RASSF8: variants seen among roughly 807,000 people sequenced by gnomAD.
RASSF8 encodes the protein Ras association domain family member 8.
A neutral mutation model predicts 48.5 loss-of-function variants in RASSF8; 22 were observed. That is an observed-to-expected ratio of 0.45 (90% confidence interval 0.32 to 0.65). The LOEUF (loss-of-function observed/expected upper bound fraction) is 0.65. RASSF8 is among the 30% of genes least tolerant of loss of function. RASSF8 has a pLI of 0.03. For missense variants in RASSF8, 418 were observed against 489.2 expected (o/e 0.85, Z 1.37); for synonymous variants, 127 against 171.5 (o/e 0.74, Z 2.03).
At chr12:26,028,906 C>G (rs1942971730) in intron 2 of RASSF8, among the ~76,000 whole-genome samples, 1 of 152,090 alleles carries the variant, frequency 6.6e-6, no homozygotes, top group South Asian at 2.1e-4. Flanking sequence ...GGAACCCTGG[C>G]TAATTTGCTT....
intron 1 of RASSF8, among the ~76,000 whole-genome samples, chr12:25,987,505 T>C (rs1941915026): frequency 6.6e-6 from 1 of 152,186 alleles, no homozygotes; most frequent in South Asian, 2.1e-4. Context: ...ACAGGTAAAG[T>C]ATAATCTGTA....
upstream of RASSF8, chr12:25,958,638 GGCCCGGCCCGGCCCGGCCCGGCCCCCA>G (rs1426037436): frequency 7.0e-5 from 10 of 142,940 alleles, no homozygotes; most frequent in Admixed American, 4.8e-4. Flanking sequence ...CTGGCCGCCC[GGCCCGGCCCGGCCCGGCCCGGCCCCCA>G]GCCCGGCCCC....
At chr12:25,970,910 G>A (rs984157661) in intron 1 of RASSF8, among the ~76,000 whole-genome samples, 7 of 152,198 alleles carry the variant, frequency 4.6e-5, no homozygotes, top group African/African-American at 1.4e-4. Context: ...ACACTTGACG[G>A]TATTAAAACC....
chr12:26,045,695 A>T (rs560666888), intron 2 of RASSF8, among the ~76,000 whole-genome samples: 53 of 152,338 alleles, frequency 3.5e-4, no homozygotes, highest in Middle Eastern at 6.8e-3. Context: ...TTACAATACC[A>T]TAAATGAGAA....
At chr12:26,001,187 G>A (rs868792252) in intron 2 of RASSF8, among the ~76,000 whole-genome samples, 37 of 140,586 alleles carry the variant, frequency 2.6e-4, no homozygotes, top group African/African-American at 7.5e-4. Context: ...CATCATACCC[G>A]GCTAATTTTT....
intron 2 of RASSF8, among the ~76,000 whole-genome samples, chr12:26,034,623 T>C (rs1943094760): frequency 6.6e-6 from 1 of 152,136 alleles, no homozygotes; most frequent in Admixed American, 6.5e-5. Flanking sequence ...AAGATCATTA[T>C]TCTTTCTGAC....
At chr12:25,997,664 C>G (rs1942163640) in intron 2 of RASSF8, among the ~76,000 whole-genome samples, 2 of 152,094 alleles carry the variant, frequency 1.3e-5, no homozygotes, top group South Asian at 4.1e-4. Flanking sequence ...GCAGAGAAAA[C>G]TACTTGGTAG....
Position 26,062,387 on chromosome 12 carries a change from G to A in RASSF8, c.104-2111G>A, listed in dbSNP as rs78471285. The stretch of plus-strand genomic sequence containing the variant: ...CTTTTTCATCCCCCTTATTAGCCTG[G>A]GCATTTTGATAAATGTAACTAATAT... On this transcript the variant is annotated intron_variant, in intron 3 of 5. Transcript: ENST00000689635. 7.2e-3 allele frequency among the ~76,000 whole-genome samples: 1,095 copies of A among 152,110 alleles called. 15 individuals carry two copies. The highest frequency in any genetic ancestry group is 0.025 in the African/African-American group (1,039 of 41,480).
At chr12:25,998,572 C>T (rs905406561) in intron 2 of RASSF8, among the ~76,000 whole-genome samples, 5 of 152,150 alleles carry the variant, frequency 3.3e-5, no homozygotes, top group Admixed American at 6.5e-5. Flanking sequence ...TGGTCTCGAT[C>T]TCTTGACCTC....
At position 26,064,878 on chromosome 12, in the gene RASSF8, A is replaced by G. The variant is rs1046609; in HGVS notation, c.484A>G (p.Thr162Ala). 4.9e-5 allele frequency: 79 copies of G among 1,614,106 alleles called. No homozygotes were observed. Among genetic ancestry groups the G allele is most frequent in the Non-Finnish European group, 6.5e-5 (77 of 1,180,044 alleles). Residue 162 changes from threonine (T) to alanine (A), a missense_variant, in exon 4 of 6, where the codon ACA becomes GCA. By Grantham distance (58) the Thr-to-Ala change is moderately conservative. Transcript: ENST00000689635. ...KQKVLNNCKT[T>A]ADELKKLIRL... is the part of the protein sequence containing the mutation. ...AAAGGTGCTGAATAACTGCAAAACA[A>G]CAGCAGATGAGTTGAAGAAGCTAAT...
chr12:26,007,347 C>T (rs958963171), intron 2 of RASSF8, among the ~76,000 whole-genome samples: 6 of 152,168 alleles, frequency 3.9e-5, no homozygotes, highest in African/African-American at 1.4e-4. Context: ...AGCCTTTTCA[C>T]CATTGTCTTT....
intron 4 of RASSF8, among the ~76,000 whole-genome samples, chr12:26,065,996 C>A (rs138302120): frequency 6.6e-6 from 1 of 151,910 alleles, no homozygotes; most frequent in Non-Finnish European, 1.5e-5. Flanking sequence ...GATTATGTTG[C>A]GGAAGTTGCA....
chr12:26,067,689 G>A lies in RASSF8; in HGVS notation c.1114G>A (p.Ala372Thr). The change falls in exon 5 of 6, where the codon GCC (alanine) becomes ACC (threonine). Residue 372 changes from alanine (A) to threonine (T), a missense_variant. Ala to Thr is a moderately conservative substitution (Grantham distance 58, BLOSUM62 0). Transcript: ENST00000689635. ...GCCAGCGGAGCCCATTGAAATAGAG[G>A]CCTCACATGCAGACATTGAAAGGGG... ...VLPAEPIEIEASHADIEREAP... is the reference protein window; with the variant it reads ...VLPAEPIEIETSHADIEREAP... The A allele has an allele frequency of 3.1e-6, 5 of 1,614,126 alleles. No individual in the cohort carries two copies. Among genetic ancestry groups the A allele is most frequent in the East Asian group, 2.2e-5 (1 of 44,880 alleles).
chr12:26,028,030 A>G (rs975434271), intron 2 of RASSF8, among the ~76,000 whole-genome samples: 14 of 152,218 alleles, frequency 9.2e-5, no homozygotes, highest in Admixed American at 7.2e-4. Flanking sequence ...AAGAAAGCCC[A>G]TGCAGCATCG....
intron 2 of RASSF8, among the ~76,000 whole-genome samples, chr12:26,007,976 C>CT (rs1565615679): frequency 6.6e-6 from 1 of 152,128 alleles, no homozygotes; most frequent in African/African-American, 2.4e-5. Flanking sequence ...AAGGATATTA[C>CT]TTTAAAATGT....
chr12:26,078,665 G>T (rs959696362), intron 5 of RASSF8, among the ~76,000 whole-genome samples: 1 of 152,146 alleles, frequency 6.6e-6, no homozygotes, highest in Admixed American at 6.5e-5. Context: ...AAATTCACAG[G>T]TAAGATGTCC....
chr12:26,000,780 G>T (rs1942236144), intron 2 of RASSF8, among the ~76,000 whole-genome samples: 3 of 152,076 alleles, frequency 2.0e-5, no homozygotes, highest in Non-Finnish European at 2.9e-5. Context: ...CATAGAAAAG[G>T]TATGGTAGAA....
At chr12:26,049,779 C>T (rs1444715110) in intron 2 of RASSF8, among the ~76,000 whole-genome samples, 1 of 152,050 alleles carries the variant, frequency 6.6e-6, no homozygotes, top group African/African-American at 2.4e-5. Context: ...AAGGAAAAGA[C>T]GGAATTCTTT....
Position 26,065,199 on chromosome 12 carries a change from G to A in RASSF8, c.805G>A (p.Glu269Lys), listed in dbSNP as rs771795123. ...KDYLAQIRTMESGLEAEKLQR... is the reference protein window; with the variant it reads ...KDYLAQIRTMKSGLEAEKLQR... ...CTATTTGGCACAGATCCGGACTATG[G>A]AAAGTGGTCTTGAAGCAGAAAAATT... The change falls in exon 4 of 6, where the codon GAA becomes AAA. Residue 269 changes from glutamate to lysine, a missense_variant. By Grantham distance (56) the Glu-to-Lys change is moderately conservative. Coordinates refer to ENST00000689635, the MANE Select transcript of RASSF8 (RefSeq NM_001394098.1). The A allele has an allele frequency of 5.0e-6, 8 of 1,614,062 alleles. No homozygotes were observed. In the East Asian group the frequency reaches 1.3e-4, roughly 27 times the overall value.
Sources: gnomAD v4.1 joint callset for allele counts (sites outside exome capture counted in the v4.1 genomes callset) on GRCh38, gnomAD v4.1.1 for gene constraint, MANE v1.5 for transcripts, NCBI Gene and HGNC (gene_info 2026-07-23, HGNC 2026-07-21) for gene names.